Variants in HSP90AA1 observed in about 807,000 individuals in gnomAD.
The protein encoded by HSP90AA1 is heat shock protein 90 alpha family class A member 1.
A neutral mutation model predicts 73.3 loss-of-function variants in HSP90AA1; 18 were observed. That is an observed-to-expected ratio of 0.25 (90% CI 0.17 to 0.36). HSP90AA1 has a LOEUF of 0.36. Ranked by LOEUF, HSP90AA1 falls within the 10% of genes least tolerant of loss-of-function variation. The pLI is 1.00. For synonymous variants in HSP90AA1, 477 were observed against 296.9 expected (o/e 1.61, Z -6.24); for missense variants, 704 against 874.2 (o/e 0.81, Z 2.45).
At chr14:102,093,911 T>C (rs1164559387) in intron 2 of HSP90AA1, among the ~76,000 whole-genome samples, 1 of 151,624 alleles carries the variant, frequency 6.6e-6, no homozygotes, top group African/African-American at 2.4e-5. Flanking sequence ...GGGGAGGAGG[T>C]TGCAGTGAGC....
chr14:102,083,818 T>C lies in HSP90AA1; in HGVS notation c.1313A>G (p.Tyr438Cys). The C allele has an allele frequency of 2.5e-6, 4 of 1,613,630 alleles. No individual in the cohort carries two copies. The highest frequency in any genetic ancestry group is 3.4e-6 in the Non-Finnish European group (4 of 1,179,816). Residue 438 changes from tyrosine to cysteine, a missense_variant, in exon 7 of 11, where the codon TAT (tyrosine) becomes TGT (cysteine). Coordinates refer to ENST00000216281, the MANE Select transcript of HSP90AA1 (RefSeq NM_005348.4). ...AEDKENYKKF[Y>C]EQFSKNIKLG... ...CTTTATGTTTTTAGAGAACTGCTCATAGAATTTCTTGTAGTTCTCTTTATC... is the reference window on the plus strand; with the variant it reads ...CTTTATGTTTTTAGAGAACTGCTCACAGAATTTCTTGTAGTTCTCTTTATC...
intron 1 of HSP90AA1, among the ~76,000 whole-genome samples, chr14:102,111,564 A>G (rs984105650): frequency 6.6e-6 from 1 of 152,236 alleles, no homozygotes; most frequent in Non-Finnish European, 1.5e-5. Flanking sequence ...GCCCAAAACA[A>G]AGCATATCCT....
rs1457902160 is a variant in HSP90AA1 at position 102,083,306 on chromosome 14, A to G, written c.1487-4T>C. 6.2e-7 allele frequency: 1 copy of G among 1,614,060 alleles called. No individual in the cohort carries two copies. The highest frequency in any genetic ancestry group is 1.7e-5 in the Admixed American group (1 of 60,018). On this transcript the variant is annotated splice_polypyrimidine_tract_variant and splice_region_variant and intron_variant, in intron 8 of 10. Coordinates refer to ENST00000216281, the MANE Select transcript of HSP90AA1 (RefSeq NM_005348.4). ...GCTACCTGGTCCTTGGTCTCACCTG[A>G]GGTATTACAAAGTTACTTTTAGACC... is the stretch of plus-strand genomic sequence containing the variant.
Position 102,086,077 on chromosome 14 carries a change from T to C in HSP90AA1, c.210A>G (p.Leu70=). The C allele has an allele frequency of 3.1e-6, 5 of 1,614,004 alleles. No homozygotes were observed. The highest frequency in any genetic ancestry group is 2.2e-5 in the East Asian group (1 of 44,894). The change falls in exon 3 of 11, where the codon TTA becomes TTG. Residue 70 remains leucine, a synonymous_variant. Transcript: ENST00000216281. ...TAATATGCAGCTCTTTCCCAGAGTC[T>C]AATTTACTGGGATCTGTCAAGCTTT... ...RYESLTDPSK[L]DSGKELHINL...
rs55793809 is a variant in HSP90AA1 at position 102,084,826 on chromosome 14, T to A, written c.836A>T (p.Lys279Met). ...KKDGDKKKKK[K>M]IKEKYIDQEE... ...TTGATCGATGTACTTTTCCTTAATC[T>A]TCTTCTTCTTCTTCTTGTCACCATC... Residue 279 changes from lysine (K) to methionine (M), a missense_variant, in exon 5 of 11, where the codon AAG (lysine) becomes ATG (methionine). Physicochemically the swap from Lys to Met is moderately conservative, Grantham distance 95 (BLOSUM62 -1). Coordinates refer to ENST00000216281, the MANE Select transcript of HSP90AA1 (RefSeq NM_005348.4). 1,724 of 1,472,126 alleles carry A rather than the reference T, an allele frequency of 1.2e-3. 6 individuals carry two copies. The highest frequency in any genetic ancestry group is 3.7e-3 in the South Asian group (319 of 85,274). The allele number at this position is 1,472,126 out of a possible 1,614,324, so 91.2% of individuals were successfully genotyped here.
At chr14:102,087,772 C>G (rs911868042), upstream of HSP90AA1, among the ~76,000 whole-genome samples, 17 of 152,274 alleles carry the variant, frequency 1.1e-4, no homozygotes, top group African/African-American at 3.1e-4. Flanking sequence ...GTGCTTCATA[C>G]TTAAGGGTCC....
At chr14:102,091,643 A>C (rs546838651), upstream of HSP90AA1, among the ~76,000 whole-genome samples, 8 of 151,614 alleles carry the variant, frequency 5.3e-5, no homozygotes, top group Non-Finnish European at 1.0e-4. Flanking sequence ...AACAAACAAA[A>C]AAAGAGACAG....
chr14:102,107,708 G>T (rs1471269311), intron 1 of HSP90AA1, among the ~76,000 whole-genome samples: 1 of 151,968 alleles, frequency 6.6e-6, no homozygotes, highest in East Asian at 1.9e-4. Context: ...GATGCTGGTG[G>T]GTGTGACAGC....
At chr14:102,106,590 G>C (rs991247333) in intron 1 of HSP90AA1, among the ~76,000 whole-genome samples, 1 of 145,922 alleles carries the variant, frequency 6.9e-6, no homozygotes, top group Non-Finnish European at 1.5e-5. Flanking sequence ...TGTCGCCCGG[G>C]CTGGAGTGCA....
intron 1 of HSP90AA1, among the ~76,000 whole-genome samples, chr14:102,110,943 C>G (rs2049634285): frequency 6.6e-6 from 1 of 152,032 alleles, no homozygotes; most frequent in Non-Finnish European, 1.5e-5. Context: ...GTCTCAAACT[C>G]CTTACCTCAG....
At chr14:102,097,475 G>A (rs28710813) in intron 2 of HSP90AA1, among the ~76,000 whole-genome samples, 6,996 of 152,172 alleles carry the variant, frequency 0.046, 556 homozygotes, top group African/African-American at 0.16. Context: ...GTGGGGGTGG[G>A]TGCAGGCTGG....
chr14:102,139,638 G>A (rs760414416), exon 1 of HSP90AA1: 1 of 643,998 alleles, frequency 1.6e-6, no homozygotes, highest in Non-Finnish European at 2.6e-6. Flanking sequence ...CCCACTAGCT[G>A]AAGCCGGCAT....
At position 102,080,853 on chromosome 14, in the gene HSP90AA1, T is replaced by G. The variant is rs1372359989; in HGVS notation, c.*859A>C. On this transcript the variant is annotated 3_prime_UTR_variant, in exon 11 of 11. Transcript: ENST00000216281. The stretch of plus-strand genomic sequence containing the variant: ...ACTCATGGACGCAGGGGATGCATGT[T>G]GTCTGCATTCCTGTTTTCTGTGCCT... 1 of 228,112 alleles carries G rather than the reference T, an allele frequency of 4.4e-6. No individual in the cohort carries two copies. Among genetic ancestry groups the G allele is most frequent in the East Asian group, 6.2e-5 (1 of 16,048 alleles). 14.1% of individuals were successfully genotyped at this position (228,112 alleles called of 1,614,324 possible). A position where few individuals can be genotyped will look rare whatever the true frequency, so the allele number is the denominator to read the frequency against.
At position 102,084,421 on chromosome 14, in the gene HSP90AA1, C is replaced by G. The variant is rs1293360065; in HGVS notation, c.1125G>C (p.Glu375Asp). 3 of 1,612,972 alleles carry G rather than the reference C, an allele frequency of 1.9e-6. No homozygotes were observed. Among genetic ancestry groups the G allele is most frequent in the South Asian group, 1.1e-5 (1 of 91,056 alleles). ...VRRVFIMDNC[E>D]ELIPEYLNFI... ...TACTCAGATATTCAGGGATTAGCTC[C>G]TCACAGTTATCCATGATGAAAACTC... Residue 375 changes from glutamate to aspartate, a missense_variant, in exon 6 of 11, where the codon GAG becomes GAC. Transcript: ENST00000216281.
Position 102,087,029 on chromosome 14 carries a change from G to A in HSP90AA1, c.-44C>T, listed in dbSNP as rs1378012493. 6 of 985,238 alleles carry A rather than the reference G, an allele frequency of 6.1e-6. No homozygotes were observed. The highest frequency in any genetic ancestry group is 5.2e-4 in the Middle Eastern group (1 of 1,934). 61.0% of individuals were successfully genotyped at this position (985,238 alleles called of 1,614,324 possible). ...CAGGACCAACGGCACAGCCACACCG[G>A]GACGCTGAAGCAACTGACGCGCCAC... On this transcript the variant is annotated 5_prime_UTR_variant, in exon 1 of 11. Coordinates refer to ENST00000216281, the MANE Select transcript of HSP90AA1 (RefSeq NM_005348.4).
intron 5 of HSP90AA1, 50 bp downstream of exon 5, chr14:102,084,631 A>G (rs1420873382): frequency 6.2e-7 from 1 of 1,614,056 alleles, no homozygotes; most frequent in Non-Finnish European, 8.5e-7. Context: ...GGGGTGGTGG[A>G]GAAAGATGAT....
In HSP90AA1 at chr14:102,101,820, G is replaced by T; in HGVS notation, c.366+55C>A. The T allele has an allele frequency of 2.8e-6, 4 of 1,454,282 alleles. No homozygotes were observed. In the East Asian group the frequency reaches 6.8e-5, roughly 25 times the overall value. 90.1% of individuals were successfully genotyped at this position (1,454,282 alleles called of 1,614,324 possible). ...CAACCACCGGTTGGTTGGATGGATG[G>T]TTAACATTAGCTAGAAATGTTTAGG... On this transcript the variant is annotated intron_variant, in intron 2 of 11. Transcript: ENST00000334701.
At chr14:102,090,730 C>T (rs781285324), upstream of HSP90AA1, among the ~76,000 whole-genome samples, 6 of 152,194 alleles carry the variant, frequency 3.9e-5, no homozygotes, top group African/African-American at 9.7e-5. Context: ...GGATTAGAGG[C>T]GTGAGCCACA....
chr14:102,134,880 C>T (rs1464332143), intron 1 of HSP90AA1, among the ~76,000 whole-genome samples: 1 of 152,202 alleles, frequency 6.6e-6, no homozygotes, highest in Non-Finnish European at 1.5e-5. Context: ...TCTTATCTGG[C>T]CCCACCCACA....
Sources: allele counts gnomAD v4.1 joint callset (sites outside exome capture counted in the v4.1 genomes callset), GRCh38; gene constraint gnomAD v4.1.1; transcripts MANE v1.5; gene names NCBI Gene and HGNC (gene_info 2026-07-23, HGNC 2026-07-21).